Variants in KCNC3 observed in about 807,000 individuals in gnomAD.
KCNC3 encodes the protein voltage-gated potassium channel KCNC3.
A neutral mutation model predicts 43.9 loss-of-function variants in KCNC3; 22 were observed. That is an observed-to-expected ratio of 0.50 (90% CI 0.36 to 0.72). The LOEUF (loss-of-function observed/expected upper bound fraction) is 0.72. Ranked by LOEUF, KCNC3 falls within the 30% of genes least tolerant of loss-of-function variation. KCNC3 has a pLI of 0.00. For missense variants in KCNC3, 829 were observed against 1,073.8 expected (o/e 0.77, Z 3.19); for synonymous variants, 492 against 488.0 (o/e 1.01, Z -0.11).
At position 50,320,516 on chromosome 19, in the gene KCNC3, C is replaced by G. The variant is rs890487146; in HGVS notation, c.2170+77G>C. On this transcript the variant is annotated intron_variant, in intron 3 of 4. Coordinates refer to ENST00000477616, the MANE Select transcript of KCNC3 (RefSeq NM_004977.3). ...AAGGGAAGTCCACCGCCTCCTCCCC[C>G]ATCCCCCTCTCCTCCCTCCCCTGGG... 5 of 1,405,414 alleles carry G rather than the reference C, an allele frequency of 3.6e-6. No individual in the cohort carries two copies. The Admixed American group carries it at 5.9e-5, about 16-fold the overall frequency. The allele number at this position is 1,405,414 out of a possible 1,614,324, so 87.1% of individuals were successfully genotyped here. A position where few individuals can be genotyped will look rare whatever the true frequency, so the allele number is the denominator to read the frequency against.
chr19:50,327,880 G>T (rs2037124923), intron 1 of KCNC3, among the ~76,000 whole-genome samples: 1 of 151,600 alleles, frequency 6.6e-6, no homozygotes, highest in Non-Finnish European at 1.5e-5. Flanking sequence ...GCCCAGGAAA[G>T]GTGGGGACCG....
upstream of KCNC3, among the ~76,000 whole-genome samples, chr19:50,332,865 C>T (rs1252003876): frequency 2.6e-5 from 4 of 152,118 alleles, no homozygotes; most frequent in Admixed American, 2.6e-4. The surrounding 1 kb of genome is among the most constrained non-coding windows in gnomAD (Gnocchi z 5.8). Context: ...TCCCCCATTA[C>T]CCCAGGCCCT....
At chr19:50,325,136 C>CT (rs1034842847) in intron 1 of KCNC3, among the ~76,000 whole-genome samples, 3 of 151,988 alleles carry the variant, frequency 2.0e-5, no homozygotes, top group African/African-American at 7.2e-5. Flanking sequence ...TGATGAAGGC[C>CT]TAGAAGAGGA....
chr19:50,322,925 T>C (rs1369722692), intron 2 of KCNC3, 50 bp downstream of exon 2: 1 of 1,531,392 alleles, frequency 6.5e-7, no homozygotes, highest in African/African-American at 1.4e-5. Flanking sequence ...ACCTCCCCAG[T>C]CCTCCCCGGG....
At chr19:50,316,685 A>C (rs537516090) in intron 4 of KCNC3, among the ~76,000 whole-genome samples, 77 of 152,204 alleles carry the variant, frequency 5.1e-4, no homozygotes, top group African/African-American at 1.8e-3. Context: ...GCAGTGAACC[A>C]AGATTGCGCC....
rs2037130670 is a variant in KCNC3 at position 50,328,263 on chromosome 19, G to T, written c.820C>A (p.Pro274Thr). The T allele has an allele frequency of 8.4e-7, 1 of 1,193,822 alleles. No individual in the cohort carries two copies. The allele number at this position is 1,193,822 out of a possible 1,614,324, so 74.0% of individuals were successfully genotyped here. ...AGGTWWRRWQ[P>T]RVWALFEDPY... ...TCCTCGAAGAGCGCCCACACGCGGG[G>T]CTGCCAGCGGCGCCACCATGTGCCG... The change falls in exon 1 of 5, where the codon CCC becomes ACC. Residue 274 changes from proline (P) to threonine (T), a missense_variant. Coordinates refer to ENST00000477616, the MANE Select transcript of KCNC3 (RefSeq NM_004977.3).
At chr19:50,325,563 C>T (rs377434108) in intron 1 of KCNC3, among the ~76,000 whole-genome samples, 60 of 145,654 alleles carry the variant, frequency 4.1e-4, no homozygotes, top group African/African-American at 1.4e-3. Flanking sequence ...GGGCTGGGGG[C>T]CGGCGCAGGT....
At chr19:50,318,178 T>G (rs1416230428) in intron 4 of KCNC3, among the ~76,000 whole-genome samples, 1 of 151,756 alleles carries the variant, frequency 6.6e-6, no homozygotes, top group Non-Finnish European at 1.5e-5. Flanking sequence ...CTTCTTCTTC[T>G]TCTTTTTTTT....
chr19:50,320,870 C>A, intron 2 of KCNC3, 86 bp from the exon 3 acceptor site: 1 of 1,321,948 alleles, frequency 7.6e-7, no homozygotes, highest in East Asian at 2.4e-5. Flanking sequence ...CTGCGAGGAG[C>A]AGATGCTGGG....
Position 50,323,157 on chromosome 19 carries a change from G to A in KCNC3, c.1796C>T (p.Pro599Leu). The A allele has an allele frequency of 6.5e-7, 1 of 1,533,160 alleles. No homozygotes were observed. Among genetic ancestry groups the A allele is most frequent in the African/African-American group, 1.4e-5 (1 of 72,972 alleles). 95.0% of individuals were successfully genotyped at this position (1,533,160 alleles called of 1,614,324 possible). The change falls in exon 2 of 5, where the codon CCC (proline) becomes CTC (leucine). Residue 599 changes from proline (P) to leucine (L), a missense_variant. Transcript: ENST00000477616. ...CACCCCCATGGAGGGTGGGGTGATG[G>A]GTGGCGGCGGGCTGATGCCCCCGCT... ...HGSGGISPPP[P>L]ITPPSMGVTV...
rs2037130797 is a variant in KCNC3, at chr19:50,328,272, G to C, written c.811C>G (p.Arg271Gly). ...AGCGCCCACACGCGGGGCTGCCAGC[G>C]GCGCCACCATGTGCCGCCCGCGCCG... ...AGGAGGTWWR[R>G]WQPRVWALFE... Residue 271 changes from arginine (R) to glycine (G), a missense_variant, in exon 1 of 5, where the codon CGC (arginine) becomes GGC (glycine). Transcript: ENST00000477616. 8.4e-7 allele frequency: 1 copy of C among 1,187,956 alleles called. No individual in the cohort carries two copies. The highest frequency in any genetic ancestry group is 1.6e-5 in the African/African-American group (1 of 62,442). The allele number at this position is 1,187,956 out of a possible 1,614,324, so 73.6% of individuals were successfully genotyped here. A position where few individuals can be genotyped will look rare whatever the true frequency, so the allele number is the denominator to read the frequency against.
At position 50,320,771 on chromosome 19, in the gene KCNC3, A is replaced by C; in HGVS notation, c.1992T>G (p.Asn664Lys). Residue 664 changes from asparagine (N) to lysine (K), a missense_variant, in exon 3 of 5, where the codon AAT (asparagine) becomes AAG (lysine). Physicochemically the swap from Asn to Lys is moderately conservative, Grantham distance 94 (BLOSUM62 0). Coordinates refer to ENST00000477616, the MANE Select transcript of KCNC3 (RefSeq NM_004977.3). ...CAAGCGCAGCTGCTGCCGGATCCCC[A>C]TTGGGGCGAGGATCTGCATCCCAAG... The part of the protein sequence containing the change: ...IEINRADPRP[N>K]GDPAAAALAH... The C allele has an allele frequency of 6.2e-7, 1 of 1,613,764 alleles. No homozygotes were observed. Among genetic ancestry groups the C allele is most frequent in the Non-Finnish European group, 8.5e-7 (1 of 1,179,910 alleles).
upstream of KCNC3, chr19:50,329,826 T>TG (rs2037163177): frequency 6.6e-6 from 1 of 152,136 alleles, no homozygotes; most frequent in Admixed American, 6.5e-5. Context: ...GAGAGAGTCC[T>TG]GGAAACCCGA....
rs555602088 is a variant in KCNC3 at position 50,313,615 on chromosome 19, T to C, written c.*2500A>G. The C allele has an allele frequency of 6.6e-6, 1 of 152,100 alleles. No individual in the cohort carries two copies. Among genetic ancestry groups the C allele is most frequent in the African/African-American group, 2.4e-5 (1 of 41,390 alleles). 9.4% of individuals were successfully genotyped at this position (152,100 alleles called of 1,614,324 possible). A position where few individuals can be genotyped will look rare whatever the true frequency, so the allele number is the denominator to read the frequency against. ...TTGGGGAGGGTCTGGTTCCCTGGAA[T>C]TGCAGACAGGTTGCGCCTATCTTGG... On this transcript the variant is annotated 3_prime_UTR_variant, in exon 5 of 5. Transcript: ENST00000477616.
Position 50,314,558 on chromosome 19 carries a change from A to C in KCNC3, c.*1557T>G, listed in dbSNP as rs1393220466. 3.7e-6 allele frequency: 1 copy of C among 267,196 alleles called. No individual in the cohort carries two copies. Among genetic ancestry groups the C allele is most frequent in the East Asian group, 1.6e-4 (1 of 6,294 alleles). 16.6% of individuals were successfully genotyped at this position (267,196 alleles called of 1,614,324 possible). A position where few individuals can be genotyped will look rare whatever the true frequency, so the allele number is the denominator to read the frequency against. ...CCAAGATGTAACTGGCATAATTTGGACTTATTTACACAAGTTGATGGCAGG... is the reference window on the plus strand; with the variant it reads ...CCAAGATGTAACTGGCATAATTTGGCCTTATTTACACAAGTTGATGGCAGG... On this transcript the variant is annotated 3_prime_UTR_variant, in exon 5 of 5. Coordinates refer to ENST00000477616, the MANE Select transcript of KCNC3 (RefSeq NM_004977.3).
chr19:50,314,706 G>A lies in KCNC3; in HGVS notation c.*1409C>T, dbSNP rs565111664. ...CAGGTTGGGGGTGAGGGGCCCGGGGGTGTCTGCTGGCATCGTCATCTCGGT... is the reference window on the plus strand; with the variant it reads ...CAGGTTGGGGGTGAGGGGCCCGGGGATGTCTGCTGGCATCGTCATCTCGGT... On this transcript the variant is annotated 3_prime_UTR_variant, in exon 5 of 5. Coordinates refer to ENST00000477616, the MANE Select transcript of KCNC3 (RefSeq NM_004977.3). The A allele has an allele frequency of 4.6e-6, 2 of 437,996 alleles. No homozygotes were observed. The highest frequency in any genetic ancestry group is 2.1e-5 in the African/African-American group (1 of 48,250). The allele number at this position is 437,996 out of a possible 1,614,324, so 27.1% of individuals were successfully genotyped here.
Position 50,314,684 on chromosome 19 carries a change from G to T in KCNC3, c.*1431C>A. 1 of 415,696 alleles carries T rather than the reference G, an allele frequency of 2.4e-6. No homozygotes were observed. The highest frequency in any genetic ancestry group is 4.8e-6 in the Non-Finnish European group (1 of 210,464). 25.8% of individuals were successfully genotyped at this position (415,696 alleles called of 1,614,324 possible). A position where few individuals can be genotyped will look rare whatever the true frequency, so the allele number is the denominator to read the frequency against. ...CCCTCTCTCCATCCTGGGGGCCCAG[G>T]TTGGGGGTGAGGGGCCCGGGGGTGT... is the stretch of plus-strand genomic sequence containing the variant. On this transcript the variant is annotated 3_prime_UTR_variant, in exon 5 of 5. Coordinates refer to ENST00000477616, the MANE Select transcript of KCNC3 (RefSeq NM_004977.3).
chr19:50,319,979 C>T (rs1054320401), intron 4 of KCNC3, among the ~76,000 whole-genome samples: 2 of 148,670 alleles, frequency 1.3e-5, no homozygotes, highest in Non-Finnish European at 3.0e-5. Context: ...TGGGGTCGGT[C>T]GTGAGGGCAG....
Position 50,323,959 on chromosome 19 carries a change from C to T in KCNC3, c.994G>A (p.Ala332Thr), listed in dbSNP as rs1210891464. 1.9e-6 allele frequency: 3 copies of T among 1,613,520 alleles called. No individual in the cohort carries two copies. Among genetic ancestry groups the T allele is most frequent in the Non-Finnish European group, 2.5e-6 (3 of 1,179,552 alleles). The change falls in exon 2 of 5, where the codon GCA becomes ACA. Residue 332 changes from alanine (A) to threonine (T), a missense_variant. Physicochemically the swap from Ala to Thr is moderately conservative, Grantham distance 58 (BLOSUM62 0). This residue lies in a region of KCNC3 where 157 missense variants were observed against 293.5 expected (regional missense o/e 0.53). Transcript: ENST00000477616. ...ACGTTGGTGATGTTCTCCGGAGGTG[C>T]CCCGGGGATCGGGGAGGCCTGGGTC... ...TVTQASPIPG[A>T]PPENITNVEV...
Sources: gnomAD v4.1 joint callset for allele counts (sites outside exome capture counted in the v4.1 genomes callset) on GRCh38, gnomAD v4.1.1 for gene constraint, gnomAD v4.1.1 regional missense constraint, Gnocchi (gnomAD v3.1) non-coding constraint, MANE v1.5 for transcripts, NCBI Gene and HGNC (gene_info 2026-07-23, HGNC 2026-07-21) for gene names.